TCF7L2: variants seen among roughly 807,000 people sequenced by gnomAD.
TCF7L2 encodes the protein transcription factor 7-like 2.
A neutral mutation model predicts 77.9 loss-of-function variants in TCF7L2; 23 were observed. The observed-to-expected ratio is 0.30, with a 90% CI of 0.21 to 0.42. TCF7L2 has a LOEUF of 0.42. Ranked by LOEUF, TCF7L2 falls within the 10% of genes least tolerant of loss-of-function variation. The pLI is 1.00. For synonymous variants in TCF7L2, 413 were observed against 340.2 expected, an observed-to-expected ratio of 1.21 and a Z score of -2.36; for missense variants, 654 against 793.1, an observed-to-expected ratio of 0.82 and a Z score of 2.11.
chr10:113,158,472 T>G, intron 12 of TCF7L2, among the ~76,000 whole-genome samples, 195 bp from the exon 13 acceptor site: 1 of 152,186 alleles, frequency 6.6e-6, no homozygotes, highest in Non-Finnish European at 1.5e-5. Context: ...AACTGGGCTG[T>G]TCCTGAATGT....
intron 5 of TCF7L2, among the ~76,000 whole-genome samples, chr10:113,055,496 C>G (rs1369428111): frequency 6.6e-6 from 1 of 152,138 alleles, no homozygotes; most frequent in African/African-American, 2.4e-5. Context: ...AAGTTGAAAA[C>G]TTGATTATAT....
intron 5 of TCF7L2, among the ~76,000 whole-genome samples, chr10:113,075,162 G>T (rs1385397172): frequency 1.3e-5 from 2 of 151,946 alleles, no homozygotes; most frequent in South Asian, 2.1e-4. Flanking sequence ...AGCCTGAAAA[G>T]AATACTTTAA....
intron 4 of TCF7L2, among the ~76,000 whole-genome samples, chr10:113,002,554 G>A (rs1030060596): frequency 1.3e-5 from 2 of 152,136 alleles, no homozygotes; most frequent in Non-Finnish European, 2.9e-5. Flanking sequence ...GGGTGTGTGT[G>A]TGTCCTCTTC....
chr10:113,070,895 A>G (rs2057919389), intron 5 of TCF7L2, among the ~76,000 whole-genome samples: 1 of 152,170 alleles, frequency 6.6e-6, no homozygotes, highest in South Asian at 2.1e-4. Flanking sequence ...GAACATTTTC[A>G]TCACCTTCCA....
At position 113,078,839 on chromosome 10, in the gene TCF7L2, T is replaced by G. The variant is rs544709041; in HGVS notation, c.552+38713T>G. Among the ~76,000 whole-genome samples the G allele has an allele frequency of 6.6e-5, 10 of 152,026 alleles. No individual in the cohort carries two copies. In the South Asian group the frequency reaches 2.1e-3, roughly 32 times the overall value. Reference sequence around the variant, plus strand: ...GGCAACAGCAGATTCTTTTTTTGTTTTTTTTTTTTCTGAGATGGAATTTTG... The same window carrying G: ...GGCAACAGCAGATTCTTTTTTTGTTGTTTTTTTTTCTGAGATGGAATTTTG... On this transcript the variant is annotated intron_variant, in intron 5 of 13. Coordinates refer to ENST00000627217, the MANE Select transcript of TCF7L2 (RefSeq NM_001146274.2).
chr10:113,050,286 G>A (rs2054199103), intron 5 of TCF7L2, among the ~76,000 whole-genome samples: 1 of 152,130 alleles, frequency 6.6e-6, no homozygotes, highest in African/African-American at 2.4e-5. Flanking sequence ...TCAGGTGCTG[G>A]GGTGAAAAAA....
intron 4 of TCF7L2, among the ~76,000 whole-genome samples, chr10:112,967,915 G>A (rs180809864): frequency 5.9e-5 from 9 of 152,284 alleles, no homozygotes; most frequent in African/African-American, 9.6e-5. Flanking sequence ...GATTACAGGC[G>A]TGAGCCACCG....
chr10:113,157,863 T>G, intron 11 of TCF7L2, 158 bp from the exon 12 acceptor site: 1 of 696,820 alleles, frequency 1.4e-6, no homozygotes, highest in Admixed American at 2.5e-5. Context: ...GGCATTTGGC[T>G]TGAAGCGGGG....
intron 5 of TCF7L2, among the ~76,000 whole-genome samples, 175 bp downstream of exon 5, chr10:113,040,301 C>A (rs1474125804): frequency 6.6e-6 from 1 of 152,100 alleles, no homozygotes; most frequent in Non-Finnish European, 1.5e-5. Context: ...TGCTATTGGA[C>A]CTTAATGATT....
At chr10:113,158,339 A>T (rs1186706140) in intron 12 of TCF7L2, among the ~76,000 whole-genome samples, 1 of 152,208 alleles carries the variant, frequency 6.6e-6, no homozygotes, top group African/African-American at 2.4e-5. Flanking sequence ...ACTGGAGAGC[A>T]AGCGGTAGGC....
chr10:113,019,225 G>A (rs1466800661), intron 4 of TCF7L2, among the ~76,000 whole-genome samples: 1 of 152,224 alleles, frequency 6.6e-6, no homozygotes, highest in Non-Finnish European at 1.5e-5. Context: ...CAGAGCAGGA[G>A]TCTCTTAACC....
At chr10:112,964,771 GGT>G (rs2036196904) in intron 4 of TCF7L2, 147 bp downstream of exon 4, 1 of 707,186 alleles carries the variant, frequency 1.4e-6, no homozygotes, top group African/African-American at 1.9e-5. Context: ...TGGTGGTGGT[GGT>G]GGTGATGGTG....
At chr10:113,071,979 C>G (rs1011995505) in intron 5 of TCF7L2, among the ~76,000 whole-genome samples, 23 of 152,242 alleles carry the variant, frequency 1.5e-4, no homozygotes, top group Non-Finnish European at 2.1e-4. Context: ...TAATAAATTA[C>G]TGTTTTAATA....
intron 5 of TCF7L2, among the ~76,000 whole-genome samples, chr10:113,056,366 T>A (rs2055379957): frequency 6.6e-6 from 1 of 152,186 alleles, no homozygotes; most frequent in Non-Finnish European, 1.5e-5. Flanking sequence ...TATTTTAAAT[T>A]TGAATCTAAT....
At chr10:113,083,332 A>C (rs928798068) in intron 5 of TCF7L2, among the ~76,000 whole-genome samples, 2 of 151,426 alleles carry the variant, frequency 1.3e-5, no homozygotes, top group African/African-American at 2.4e-5. Context: ...TGCCACTCAC[A>C]CCTTGCCACT....
intron 5 of TCF7L2, among the ~76,000 whole-genome samples, chr10:113,059,054 G>C (rs989151975): frequency 3.3e-5 from 5 of 152,154 alleles, no homozygotes; most frequent in African/African-American, 1.2e-4. Flanking sequence ...GATAAAAAGA[G>C]TAGGAAAGTG....
chr10:113,018,906 G>C (rs1485331037), intron 4 of TCF7L2, among the ~76,000 whole-genome samples: 1 of 152,172 alleles, frequency 6.6e-6, no homozygotes. Flanking sequence ...AACAGGGCCT[G>C]GCTCTGGGAG....
At chr10:113,089,536 T>C in intron 5 of TCF7L2, 1 of 1,613,628 alleles carries the variant, frequency 6.2e-7, no homozygotes, top group South Asian at 1.1e-5. Context: ...CCCTGGTGTA[T>C]TGAGGTAGGT....
At chr10:112,951,117 C>CCT (rs1554854227) in intron 1 of TCF7L2, 90 bp from the exon 2 acceptor site, 1 of 1,306,104 alleles carries the variant, frequency 7.7e-7, no homozygotes, top group East Asian at 2.8e-5. Flanking sequence ...TCTACCCCCC[C>CCT]CTCGACCTCG....
Sources: gnomAD v4.1 joint callset for allele counts (sites outside exome capture counted in the v4.1 genomes callset) on GRCh38, gnomAD v4.1.1 for gene constraint, MANE v1.5 for transcripts, NCBI Gene and HGNC (gene_info 2026-07-23, HGNC 2026-07-21) for gene names.